PTPRR: variants seen among roughly 807,000 people sequenced by gnomAD.
PTPRR encodes the protein protein tyrosine phosphatase receptor type R.
A neutral mutation model predicts 77.2 loss-of-function variants in PTPRR; 38 were observed. That is an observed-to-expected ratio of 0.49 (90% confidence interval 0.38 to 0.65). The LOEUF (loss-of-function observed/expected upper bound fraction) is 0.65. Among genes scored for constraint, PTPRR ranks in the 30% least tolerant of loss-of-function variants. PTPRR has a pLI of 0.00. For synonymous variants in PTPRR, 299 were observed against 283.1 expected, an observed-to-expected ratio of 1.06 and a Z score of -0.57; for missense variants, 744 against 799.2, an observed-to-expected ratio of 0.93 and a Z score of 0.83.
At chr12:70,729,326 G>GTCTGTCTATCTA (rs1555170671) in intron 6 of PTPRR, among the ~76,000 whole-genome samples, 1 of 150,966 alleles carries the variant, frequency 6.6e-6, no homozygotes, top group Non-Finnish European at 1.5e-5. Context: ...GTATCTATCT[G>GTCTGTCTATCTA]TCTATCTATC....
chr12:70,768,386 C>T (rs538847487), intron 2 of PTPRR, among the ~76,000 whole-genome samples: 3,633 of 152,250 alleles, frequency 0.024, 128 homozygotes, highest in African/African-American at 0.073. Flanking sequence ...AACACCTCTA[C>T]GCAAATAAAC....
chr12:70,708,780 G>GA (rs1888710491), intron 6 of PTPRR, among the ~76,000 whole-genome samples: 1 of 149,934 alleles, frequency 6.7e-6, no homozygotes, highest in African/African-American at 2.5e-5. Context: ...AGTCTTCTTT[G>GA]AATTTCAGCT....
At chr12:70,797,253 C>T (rs1460149968) in intron 2 of PTPRR, among the ~76,000 whole-genome samples, 1 of 152,130 alleles carries the variant, frequency 6.6e-6, no homozygotes, top group Non-Finnish European at 1.5e-5. Flanking sequence ...ATGAAGGCCT[C>T]ATCTCTGCCC....
intron 8 of PTPRR, among the ~76,000 whole-genome samples, chr12:70,688,711 C>T (rs1887956201): frequency 6.6e-6 from 1 of 152,122 alleles, no homozygotes; most frequent in Non-Finnish European, 1.5e-5. Flanking sequence ...GAACTGAAGT[C>T]AGTATGTTGA....
At chr12:70,911,037 C>T (rs534822923) in intron 1 of PTPRR, among the ~76,000 whole-genome samples, 160 of 152,246 alleles carry the variant, frequency 1.1e-3, no homozygotes, top group Non-Finnish European at 1.7e-3. Flanking sequence ...CCTGGAAAAG[C>T]AGGGTCAGCT....
Position 70,837,016 on chromosome 12 carries a change from T to G in PTPRR, c.357+55663A>C, listed in dbSNP as rs367604276. Among the ~76,000 whole-genome samples, 6 of 152,026 alleles carry G rather than the reference T, an allele frequency of 3.9e-5. No homozygotes were observed. The South Asian group carries it at 1.0e-3, about 26-fold the overall frequency. ...CTTATTTAAAATATTTTGCAATATTTAAGGTATATAAATGTATAAAGCATA... is the reference window on the plus strand; with the variant it reads ...CTTATTTAAAATATTTTGCAATATTGAAGGTATATAAATGTATAAAGCATA... On this transcript the variant is annotated intron_variant, in intron 2 of 13. Transcript: ENST00000283228.
At chr12:70,844,547 C>T (rs1047352025) in intron 2 of PTPRR, among the ~76,000 whole-genome samples, 1 of 152,074 alleles carries the variant, frequency 6.6e-6, no homozygotes, top group African/African-American at 2.4e-5. Flanking sequence ...ATAGTGGTTA[C>T]TCCAGGGACT....
At chr12:70,883,488 C>A (rs994524680) in intron 2 of PTPRR, among the ~76,000 whole-genome samples, 1 of 152,244 alleles carries the variant, frequency 6.6e-6, no homozygotes, top group Admixed American at 6.5e-5. Flanking sequence ...AGGACCTTGG[C>A]TTATTTTGAT....
chr12:70,666,017 T>G (rs1017145026), intron 10 of PTPRR, among the ~76,000 whole-genome samples: 1 of 152,154 alleles, frequency 6.6e-6, no homozygotes, highest in African/African-American at 2.4e-5. Context: ...TTCCTGGTGC[T>G]CCGATGGAAT....
At chr12:70,829,803 G>GATCCTATGAGATC (rs1246786107) in intron 2 of PTPRR, among the ~76,000 whole-genome samples, 2 of 152,134 alleles carry the variant, frequency 1.3e-5, no homozygotes, top group African/African-American at 4.8e-5. Flanking sequence ...TCTCATAGGT[G>GATCCTATGAGATC]CATAGAAAGT....
At chr12:70,841,430 G>A (rs1352600092) in intron 2 of PTPRR, among the ~76,000 whole-genome samples, 1 of 151,712 alleles carries the variant, frequency 6.6e-6, no homozygotes, top group South Asian at 2.1e-4. Flanking sequence ...TTCTCAGCTT[G>A]TTCTCTCAAC....
chr12:70,659,006 G>A (rs919591904), intron 12 of PTPRR, among the ~76,000 whole-genome samples: 1 of 145,870 alleles, frequency 6.9e-6, no homozygotes, highest in African/African-American at 2.6e-5. Context: ...CGGTTCAAGC[G>A]ATTCTCCTGC....
chr12:70,888,258 T>C (rs1893275632), intron 2 of PTPRR, among the ~76,000 whole-genome samples: 1 of 152,132 alleles, frequency 6.6e-6, no homozygotes, highest in Admixed American at 6.5e-5. Flanking sequence ...CAATGTTTTA[T>C]GCTTAGCAAA....
intron 5 of PTPRR, among the ~76,000 whole-genome samples, chr12:70,750,259 T>A (rs1002552853): frequency 6.6e-6 from 1 of 152,166 alleles, no homozygotes. Flanking sequence ...ATTACAGCAA[T>A]TTACCTATAT....
intron 1 of PTPRR, among the ~76,000 whole-genome samples, chr12:70,914,531 A>G (rs1279284543): frequency 2.0e-5 from 3 of 152,244 alleles, no homozygotes; most frequent in African/African-American, 7.2e-5. Context: ...AAAGTAGCAA[A>G]GGGATGATCT....
chr12:70,876,602 A>G (rs1592809035), intron 2 of PTPRR, among the ~76,000 whole-genome samples: 4 of 152,340 alleles, frequency 2.6e-5, no homozygotes, highest in African/African-American at 9.6e-5. Flanking sequence ...AAGGAAATAT[A>G]AATTAAAAAG....
rs1888401284 is a variant in PTPRR, at chr12:70,701,003, A to T, written c.1194+134T>A. On this transcript the variant is annotated intron_variant, in intron 7 of 13. Transcript: ENST00000283228. Reference sequence around the variant, plus strand: ...ATCAATAGTGGATGAGACTGAGTGAATCTAAAACCATTTCACTTTGCCATT... The same window carrying T: ...ATCAATAGTGGATGAGACTGAGTGATTCTAAAACCATTTCACTTTGCCATT... 8.0e-6 allele frequency: 7 copies of T among 876,006 alleles called. No homozygotes were observed. The Admixed American group carries it at 1.6e-4, about 20-fold the overall frequency. 54.3% of individuals were successfully genotyped at this position (876,006 alleles called of 1,614,324 possible).
intron 6 of PTPRR, among the ~76,000 whole-genome samples, chr12:70,722,856 G>A (rs1023617427): frequency 6.6e-6 from 1 of 152,152 alleles, no homozygotes; most frequent in Admixed American, 6.5e-5. Flanking sequence ...GATATTTATT[G>A]AACAGATGTT....
rs367999721 is a variant in PTPRR, at chr12:70,642,875, A to G, written c.1881-3598T>C. Among the ~76,000 whole-genome samples, 421 of 152,264 alleles carry G rather than the reference A, an allele frequency of 2.8e-3. 1 individual carries two copies. The highest frequency in any genetic ancestry group is 4.5e-3 in the Non-Finnish European group (308 of 68,020). ...ATATATAGAATAGTCTATTGGCTGG[A>G]TGCAGTGGCTCATGCCTATAACCCC... On this transcript the variant is annotated intron_variant, in intron 13 of 13. Coordinates refer to ENST00000283228, the MANE Select transcript of PTPRR (RefSeq NM_002849.4).
Sources: gnomAD v4.1 joint callset for allele counts (sites outside exome capture counted in the v4.1 genomes callset) on GRCh38, gnomAD v4.1.1 for gene constraint, MANE v1.5 for transcripts, NCBI Gene and HGNC (gene_info 2026-07-23, HGNC 2026-07-21) for gene names.